The following PTPN4 variants were observed in gnomAD, a reference collection of about 807,000 sequenced individuals.
PTPN4 encodes protein tyrosine phosphatase non-receptor type 4, also known as tyrosine-protein phosphatase non-receptor type 4.
PTPN4 carries 49 observed loss-of-function variants against 135.5 expected under a neutral mutation model. That is an observed-to-expected ratio of 0.36 (90% CI 0.29 to 0.46). The LOEUF (loss-of-function observed/expected upper bound fraction) is 0.46, where lower values mean the gene tolerates loss of function less well. Ranked by LOEUF, PTPN4 falls within the 20% of genes least tolerant of loss-of-function variation. The pLI is 1.00. For synonymous variants in PTPN4, 333 were observed against 369.9 expected, an observed-to-expected ratio of 0.90 and a Z score of 1.14; for missense variants, 860 against 1,101.0, an observed-to-expected ratio of 0.78 and a Z score of 3.10.
intron 1 of PTPN4, among the ~76,000 whole-genome samples, chr2:119,799,755 A>G (rs1691327945): frequency 1.3e-5 from 2 of 152,238 alleles, no homozygotes; most frequent in South Asian, 2.1e-4. Context: ...AAAAGACGTT[A>G]AAGCTGACTA....
intron 22 of PTPN4, among the ~76,000 whole-genome samples, chr2:119,959,160 A>C (rs1032061645): frequency 2.0e-5 from 3 of 151,982 alleles, no homozygotes; most frequent in Non-Finnish European, 2.9e-5. Context: ...GTTATGAATA[A>C]ATTTTAGCAA....
intron 1 of PTPN4, among the ~76,000 whole-genome samples, chr2:119,795,415 G>A (rs1257587944): frequency 6.6e-6 from 1 of 151,262 alleles, no homozygotes; most frequent in African/African-American, 2.5e-5. Flanking sequence ...GTGCTAAGCG[G>A]GCCTCACCCC....
chr2:119,928,016 A>G (rs1490653951), intron 13 of PTPN4, among the ~76,000 whole-genome samples: 2 of 152,158 alleles, frequency 1.3e-5, no homozygotes, highest in Non-Finnish European at 2.9e-5. Context: ...TATCATCCCA[A>G]GACAACTTTT....
At chr2:119,820,167 G>C (rs1270638008) in intron 2 of PTPN4, among the ~76,000 whole-genome samples, 3 of 152,074 alleles carry the variant, frequency 2.0e-5, no homozygotes, top group Non-Finnish European at 4.4e-5. Flanking sequence ...GGCCTATTTG[G>C]CTCTTAAATG....
intron 3 of PTPN4, among the ~76,000 whole-genome samples, chr2:119,865,230 A>C (rs538895235): frequency 1.3e-5 from 2 of 152,276 alleles, no homozygotes; most frequent in South Asian, 4.1e-4. Context: ...TCTAGTTGTC[A>C]ATGTGAAATT....
At chr2:119,822,361 C>G (rs529877228) in intron 2 of PTPN4, among the ~76,000 whole-genome samples, 7 of 130,618 alleles carry the variant, frequency 5.4e-5, no homozygotes, top group East Asian at 2.2e-4. Flanking sequence ...CCCCTCCCCC[C>G]CCCTTTTTTT....
chr2:119,859,206 T>C (rs1677723926), intron 2 of PTPN4, among the ~76,000 whole-genome samples: 2 of 152,178 alleles, frequency 1.3e-5, no homozygotes, highest in South Asian at 4.1e-4. Context: ...TGCTTCCAAA[T>C]CTTTGTCAGA....
chr2:119,896,923 C>T (rs975473898), intron 9 of PTPN4, among the ~76,000 whole-genome samples: 5 of 151,908 alleles, frequency 3.3e-5, no homozygotes, highest in Non-Finnish European at 5.9e-5. Context: ...TCTTTTGGCT[C>T]GTAAGTTTTG....
intron 1 of PTPN4, among the ~76,000 whole-genome samples, chr2:119,776,092 A>G (rs1690831991): frequency 6.6e-6 from 1 of 152,224 alleles, no homozygotes; most frequent in Non-Finnish European, 1.5e-5. Context: ...AACTTCTTTT[A>G]CAACATGGAC....
chr2:119,923,169 T>C (rs908301565), intron 12 of PTPN4, among the ~76,000 whole-genome samples: 5 of 151,596 alleles, frequency 3.3e-5, no homozygotes, highest in African/African-American at 1.2e-4. Context: ...AGGCCAGGAG[T>C]TCAAGTCCAG....
At chr2:119,931,737 T>C (rs576731234) in intron 13 of PTPN4, among the ~76,000 whole-genome samples, 1 of 152,040 alleles carries the variant, frequency 6.6e-6, no homozygotes, top group Admixed American at 6.6e-5. Flanking sequence ...ACCTCGCGCA[T>C]CCAAGATCTT....
At chr2:119,967,767 A>G in intron 25 of PTPN4, 70 bp from the exon 26 acceptor site, 1 of 1,276,618 alleles carries the variant, frequency 7.8e-7, no homozygotes, top group Non-Finnish European at 1.0e-6. Flanking sequence ...ATTCAGTTTT[A>G]TGCACAAAAG....
At position 119,789,189 on chromosome 2, in the gene PTPN4, G is replaced by A. The variant is rs538635054; in HGVS notation, c.-17-20648G>A. ...TTTTCCTAATGATTAGTGATATTGAGCATCTTTTCATGTGTATATTGGCCA... is the reference window on the plus strand; with the variant it reads ...TTTTCCTAATGATTAGTGATATTGAACATCTTTTCATGTGTATATTGGCCA... On this transcript the variant is annotated intron_variant, in intron 1 of 26. Transcript: ENST00000263708. Among the ~76,000 whole-genome samples the A allele has an allele frequency of 2.6e-5, 4 of 151,830 alleles. No individual in the cohort carries two copies. In the South Asian group the frequency reaches 8.3e-4, roughly 32 times the overall value.
rs1679647271 is a variant in PTPN4, at chr2:119,978,369, A to G, written c.*1299A>G. On this transcript the variant is annotated 3_prime_UTR_variant, in exon 27 of 27. Transcript: ENST00000263708. ...TTGATTGGGATTCTTCAAACGAAGA[A>G]TGAAACATTATTGACTTATTTCTAA... 6.6e-6 allele frequency: 1 copy of G among 152,214 alleles called. No homozygotes were observed. The highest frequency in any genetic ancestry group is 2.4e-5 in the African/African-American group (1 of 41,464). 9.4% of individuals were successfully genotyped at this position (152,214 alleles called of 1,614,324 possible).
chr2:119,911,948 G>A (rs1006514891), intron 10 of PTPN4, among the ~76,000 whole-genome samples: 1 of 152,046 alleles, frequency 6.6e-6, no homozygotes, highest in African/African-American at 2.4e-5. Context: ...AGAAATTAAA[G>A]CAAATGTTTG....
intron 2 of PTPN4, among the ~76,000 whole-genome samples, chr2:119,823,598 CA>C (rs1677103392): frequency 6.6e-6 from 1 of 152,144 alleles, no homozygotes; most frequent in Admixed American, 6.5e-5. Context: ...TTTTCACTTT[CA>C]ATTATTTCGT....
At chr2:119,949,677 C>T (rs1679184366) in intron 18 of PTPN4, among the ~76,000 whole-genome samples, 1 of 151,810 alleles carries the variant, frequency 6.6e-6, no homozygotes, top group African/African-American at 2.4e-5. Flanking sequence ...TTTGTTTCTA[C>T]AAAAAAAATT....
chr2:119,965,114 A>G (rs1003020770), intron 24 of PTPN4, among the ~76,000 whole-genome samples: 2 of 152,142 alleles, frequency 1.3e-5, no homozygotes, highest in Non-Finnish European at 2.9e-5. Flanking sequence ...AATCATCAGG[A>G]GGTGCATTCT....
Position 119,800,170 on chromosome 2 carries a change from A to G in PTPN4, c.-17-9667A>G, listed in dbSNP as rs1691336576. ...CAATCATTATTTTTAACATTCCTCT[A>G]CCTCCCACTTGTAGTAAGATATTTG... is the stretch of plus-strand genomic sequence containing the variant. On this transcript the variant is annotated intron_variant, in intron 1 of 26. Coordinates refer to ENST00000263708, the MANE Select transcript of PTPN4 (RefSeq NM_002830.4). 3.9e-5 allele frequency among the ~76,000 whole-genome samples: 6 copies of G among 152,004 alleles called. No individual in the cohort carries two copies. The South Asian group carries it at 8.3e-4, about 21-fold the overall frequency.
Sources: allele counts gnomAD v4.1 joint callset (sites outside exome capture counted in the v4.1 genomes callset), GRCh38; gene constraint gnomAD v4.1.1; transcripts MANE v1.5; gene names NCBI Gene and HGNC (gene_info 2026-07-23, HGNC 2026-07-21).